Variants in NHSL1 observed in about 807,000 individuals in gnomAD.
The protein encoded by NHSL1 is NHS-like protein 1.
In NHSL1, 48 loss-of-function variants were observed where a neutral mutation model predicts 95.0. The ratio of observed to expected loss-of-function variants is 0.51; its 90% CI spans 0.40 to 0.64. The LOEUF (loss-of-function observed/expected upper bound fraction) is 0.64. Ranked by LOEUF, NHSL1 falls within the 30% of genes least tolerant of loss-of-function variation. The probability of loss-of-function intolerance (pLI) is 0.00; values close to 1 mark genes in which losing one functional copy is unlikely to be tolerated. For synonymous variants in NHSL1, 783 were observed against 833.9 expected, an observed-to-expected ratio of 0.94 and a Z score of 1.05; for missense variants, 1,971 against 2,077.7, an observed-to-expected ratio of 0.95 and a Z score of 1.00.
intron 1 of NHSL1, among the ~76,000 whole-genome samples, chr6:138,614,421 G>A (rs1562392002): frequency 1.3e-5 from 2 of 152,302 alleles, no homozygotes; most frequent in East Asian, 3.9e-4. Context: ...CTCATTACAT[G>A]AGAAAAATAA....
At position 138,423,223 on chromosome 6, in the gene NHSL1, A is replaced by G. The variant is rs986770824; in HGVS notation, c.*858T>C. On this transcript the variant is annotated 3_prime_UTR_variant, in exon 8 of 8. Coordinates refer to ENST00000343505, the MANE Select transcript of NHSL1 (RefSeq NM_001144060.2). ...GGCAGGAAACAAATTCCAGCAGTGTATCACTTACTCCTTTCCAACCCTTCC... is the reference window on the plus strand; with the variant it reads ...GGCAGGAAACAAATTCCAGCAGTGTGTCACTTACTCCTTTCCAACCCTTCC... The G allele has an allele frequency of 6.6e-6, 1 of 152,144 alleles. No homozygotes were observed. Among genetic ancestry groups the G allele is most frequent in the Non-Finnish European group, 1.5e-5 (1 of 68,030 alleles). 9.4% of individuals were successfully genotyped at this position (152,144 alleles called of 1,614,324 possible). A position where few individuals can be genotyped will look rare whatever the true frequency, so the allele number is the denominator to read the frequency against.
chr6:138,583,760 C>T (rs1294556430), intron 1 of NHSL1, among the ~76,000 whole-genome samples: 3 of 152,208 alleles, frequency 2.0e-5, no homozygotes, highest in Non-Finnish European at 4.4e-5. Flanking sequence ...CCCACATAAT[C>T]TAATCTGGCT....
At chr6:138,691,236 TC>T (rs1249489435) in intron 1 of NHSL1, among the ~76,000 whole-genome samples, 1 of 152,232 alleles carries the variant, frequency 6.6e-6, no homozygotes, top group African/African-American at 2.4e-5. Context: ...GATTTTTTTT[TC>T]TTGGAGGGGG....
At chr6:138,544,112 C>T (rs941366512) in intron 1 of NHSL1, among the ~76,000 whole-genome samples, 11 of 152,052 alleles carry the variant, frequency 7.2e-5, no homozygotes, top group African/African-American at 2.2e-4. Context: ...ATTCCACAAC[C>T]GTATTCAATT....
upstream of NHSL1, among the ~76,000 whole-genome samples, chr6:138,693,135 C>G (rs1043214342): frequency 6.6e-6 from 1 of 151,518 alleles, no homozygotes; most frequent in African/African-American, 2.4e-5. This position sits in a 1 kb window ranked among gnomAD's most constrained non-coding sequence, Gnocchi z 4.3. Flanking sequence ...AGTTTGCAGG[C>G]GGGCAGGAAA....
At chr6:138,685,861 G>A (rs1785578773) in intron 1 of NHSL1, among the ~76,000 whole-genome samples, 1 of 152,012 alleles carries the variant, frequency 6.6e-6, no homozygotes, top group South Asian at 2.1e-4. Flanking sequence ...TCAAAGCCCA[G>A]CTCCATTGCT....
intron 1 of NHSL1, among the ~76,000 whole-genome samples, chr6:138,620,985 T>A (rs557358104): frequency 5.3e-4 from 80 of 152,206 alleles, no homozygotes; most frequent in African/African-American, 1.9e-3. Flanking sequence ...TGAGGGGACA[T>A]GCTGTAGGAC....
chr6:138,450,452 C>T (rs1181457653), intron 3 of NHSL1, among the ~76,000 whole-genome samples: 1 of 152,224 alleles, frequency 6.6e-6, no homozygotes, highest in African/African-American at 2.4e-5. Flanking sequence ...TCTCTATGCC[C>T]TGGAGCAAGG....
intron 1 of NHSL1, among the ~76,000 whole-genome samples, chr6:138,612,734 C>T (rs1004657067): frequency 1.3e-5 from 2 of 152,236 alleles, no homozygotes; most frequent in Admixed American, 6.5e-5. Context: ...TAACCTGACA[C>T]AGTAGCACTT....
chr6:138,525,536 TAA>T (rs1562348720), intron 1 of NHSL1, among the ~76,000 whole-genome samples: 1 of 73,342 alleles, frequency 1.4e-5, no homozygotes, highest in African/African-American at 3.5e-5. Context: ...TCAAAATAAA[TAA>T]ATAAATAAAT....
intron 1 of NHSL1, among the ~76,000 whole-genome samples, chr6:138,659,980 T>C (rs1785206628): frequency 6.6e-6 from 1 of 152,194 alleles, no homozygotes; most frequent in Admixed American, 6.5e-5. Flanking sequence ...CCTCCCAACA[T>C]ACTGGGATTA....
chr6:138,605,468 A>G (rs945661027), intron 1 of NHSL1, among the ~76,000 whole-genome samples: 6 of 152,202 alleles, frequency 3.9e-5, no homozygotes, highest in Admixed American at 3.9e-4. Context: ...CCCCACAAAA[A>G]AAAGTTTACC....
chr6:138,568,883 C>A (rs1162368787), intron 1 of NHSL1, among the ~76,000 whole-genome samples: 1 of 152,178 alleles, frequency 6.6e-6, no homozygotes, highest in East Asian at 1.9e-4. Flanking sequence ...CTGAAAGATA[C>A]CCATAAGGGT....
chr6:138,562,721 C>T (rs192110149), intron 1 of NHSL1, among the ~76,000 whole-genome samples: 2 of 152,202 alleles, frequency 1.3e-5, no homozygotes, highest in Admixed American at 6.5e-5. Context: ...TACTTTTCCT[C>T]ATGTGCCTAT....
chr6:138,586,495 C>A (rs1784137702), intron 1 of NHSL1, among the ~76,000 whole-genome samples: 1 of 152,142 alleles, frequency 6.6e-6, no homozygotes, highest in South Asian at 2.1e-4. Flanking sequence ...AGTAACATCA[C>A]TTAAGAAGTA....
intron 1 of NHSL1, among the ~76,000 whole-genome samples, chr6:138,647,624 A>G: frequency 6.9e-6 from 1 of 144,176 alleles, no homozygotes; most frequent in Non-Finnish European, 1.5e-5. Flanking sequence ...TTTTTTTGAG[A>G]TGGAGACTCG....
chr6:138,583,858 G>A (rs1295520103), intron 1 of NHSL1, among the ~76,000 whole-genome samples: 1 of 152,108 alleles, frequency 6.6e-6, no homozygotes, highest in Non-Finnish European at 1.5e-5. Context: ...GCCATATGAG[G>A]GAGGCCAAGG....
intron 1 of NHSL1, among the ~76,000 whole-genome samples, chr6:138,648,274 C>A (rs1785045476): frequency 6.7e-6 from 1 of 149,186 alleles, no homozygotes; most frequent in Non-Finnish European, 1.5e-5. Flanking sequence ...AACTTAATGG[C>A]TTAAAAAAAT....
In NHSL1 at chr6:138,423,945, TG is replaced by T; in HGVS notation, c.*135del. 2 of 890,718 alleles carry T rather than the reference TG, an allele frequency of 2.2e-6. No homozygotes were observed. The highest frequency in any genetic ancestry group is 3.0e-6 in the Non-Finnish European group (2 of 670,932). 55.2% of individuals were successfully genotyped at this position (890,718 alleles called of 1,614,324 possible). On this transcript the variant is annotated 3_prime_UTR_variant, in exon 8 of 8. Coordinates refer to ENST00000343505, the MANE Select transcript of NHSL1 (RefSeq NM_001144060.2). ...TAACCGTTCACTCACACTGCAGGGC[TG>T]GCAACCCCGGGGCCCACAGCACAGA...
Sources: allele counts gnomAD v4.1 joint callset (sites outside exome capture counted in the v4.1 genomes callset), GRCh38; gene constraint gnomAD v4.1.1; non-coding constraint Gnocchi (gnomAD v3.1); transcripts MANE v1.5; gene names NCBI Gene and HGNC (gene_info 2026-07-23, HGNC 2026-07-21).